Variants in PKP2 observed in about 807,000 individuals in gnomAD.
PKP2 encodes plakophilin 2.
Under a neutral mutation model 83.4 loss-of-function variants are expected in PKP2, and 73 were observed. The ratio of observed to expected loss-of-function variants is 0.88; its 90% CI spans 0.72 to 1.06. The LOEUF (loss-of-function observed/expected upper bound fraction) is 1.06, where lower values mean the gene tolerates loss of function less well. Among genes scored for constraint, PKP2 ranks in the 50% least tolerant of loss-of-function variants. The pLI is 0.00. For synonymous variants in PKP2, 409 were observed against 430.4 expected, an observed-to-expected ratio of 0.95 and a Z score of 0.62; for missense variants, 966 against 1,065.4, an observed-to-expected ratio of 0.91 and a Z score of 1.30.
intron 4 of PKP2, among the ~76,000 whole-genome samples, chr12:32,858,079 AAAAAAAT>A (rs1435995399): frequency 6.9e-4 from 39 of 56,518 alleles, no homozygotes; most frequent in East Asian, 1.8e-3. Context: ...AAAAAAAAAA[AAAAAAAT>A]ATATATATAT....
chr12:32,822,599 G>A lies in PKP2; in HGVS notation c.1707C>T (p.Asn569=), dbSNP rs1254113735. ...ATENCVCILH[N]LSYQLEAELP... ...GCTCTGCCTCCAGCTGGTAGGAGAG[G>A]TTATGAAGAATGCACACACAATTCT... Residue 569 remains asparagine, a synonymous_variant, in exon 8 of 13, where the codon AAC becomes AAT. Transcript: ENST00000340811. 2 of 1,614,066 alleles carry A rather than the reference G, an allele frequency of 1.2e-6. No individual in the cohort carries two copies. Among genetic ancestry groups the A allele is most frequent in the African/African-American group, 1.3e-5 (1 of 75,034 alleles).
chr12:32,820,569 G>A (rs1036194747), intron 9 of PKP2: 1 of 152,276 alleles, frequency 6.6e-6, no homozygotes, highest in Non-Finnish European at 1.5e-5. Flanking sequence ...CCATACTGCA[G>A]TAGACATCTG....
intron 9 of PKP2, among the ~76,000 whole-genome samples, chr12:32,815,987 T>C (rs1275926374): frequency 1.3e-5 from 2 of 152,228 alleles, no homozygotes; most frequent in African/African-American, 4.8e-5. Flanking sequence ...GACTGTTAAT[T>C]CTCTGGTCAA....
intron 6 of PKP2, among the ~76,000 whole-genome samples, chr12:32,825,194 A>T (rs1320617229): frequency 3.7e-5 from 4 of 106,708 alleles, no homozygotes; most frequent in South Asian, 3.3e-4. Context: ...TTTGAGACGG[A>T]GTCTCACTCT....
At chr12:32,843,175 G>A (rs1233681692) in intron 5 of PKP2, 2 of 491,770 alleles carry the variant, frequency 4.1e-6, no homozygotes, top group South Asian at 2.9e-5. Flanking sequence ...AGAGACAGGG[G>A]TCTCACCATG....
chr12:32,841,569 T>A (rs1469451197), intron 5 of PKP2, among the ~76,000 whole-genome samples: 1 of 152,246 alleles, frequency 6.6e-6, no homozygotes, highest in African/African-American at 2.4e-5. Flanking sequence ...ATAGGCAGGC[T>A]TAAAATGGTC....
At chr12:32,877,081 A>G (rs1342926974) in intron 3 of PKP2, among the ~76,000 whole-genome samples, 3 of 152,208 alleles carry the variant, frequency 2.0e-5, no homozygotes, top group Non-Finnish European at 4.4e-5. Context: ...AATGACAATA[A>G]CATATCTAAT....
At chr12:32,794,247 C>T (rs1027367099) in intron 11 of PKP2, among the ~76,000 whole-genome samples, 8 of 152,144 alleles carry the variant, frequency 5.3e-5, no homozygotes, top group African/African-American at 1.9e-4. Context: ...AGTGATGGGT[C>T]TCTAATATTC....
chr12:32,826,861 A>G (rs1002269176), intron 6 of PKP2, among the ~76,000 whole-genome samples: 7 of 152,192 alleles, frequency 4.6e-5, no homozygotes, highest in African/African-American at 1.7e-4. Context: ...TTTCCTGGTG[A>G]CAGCAAATTA....
intron 6 of PKP2, among the ~76,000 whole-genome samples, chr12:32,830,545 G>A (rs1348727038): frequency 2.0e-5 from 3 of 152,138 alleles, no homozygotes; most frequent in Non-Finnish European, 4.4e-5. Flanking sequence ...ATGGAAAAAA[G>A]CTATGTTGTC....
intron 3 of PKP2, among the ~76,000 whole-genome samples, chr12:32,871,469 T>A (rs1003017395): frequency 1.3e-5 from 2 of 151,938 alleles, no homozygotes; most frequent in African/African-American, 4.8e-5. Flanking sequence ...CTAATTTTTT[T>A]TTTTTATTTT....
At chr12:32,806,555 GTGA>G (rs1378468243) in intron 9 of PKP2, among the ~76,000 whole-genome samples, 1 of 152,102 alleles carries the variant, frequency 6.6e-6, no homozygotes, top group Non-Finnish European at 1.5e-5. Context: ...GGGGTCAGTG[GTGA>G]TATCCCACTT....
At chr12:32,886,508 TTTTG>T (rs1484486365) in intron 1 of PKP2, among the ~76,000 whole-genome samples, 1 of 152,200 alleles carries the variant, frequency 6.6e-6, no homozygotes, top group African/African-American at 2.4e-5. Flanking sequence ...AAGGAATTTT[TTTTG>T]TTTTTTGTCT....
At chr12:32,867,814 T>A (rs1008932767) in intron 4 of PKP2, among the ~76,000 whole-genome samples, 5 of 152,172 alleles carry the variant, frequency 3.3e-5, no homozygotes, top group African/African-American at 4.8e-5. Flanking sequence ...AGAGAATATA[T>A]AGGCTGGAGT....
At chr12:32,803,260 C>T (rs780341688) in intron 9 of PKP2, among the ~76,000 whole-genome samples, 5 of 152,098 alleles carry the variant, frequency 3.3e-5, no homozygotes, top group Non-Finnish European at 7.3e-5. Flanking sequence ...GTAGTCCCAG[C>T]TACTCAAGAG....
intron 4 of PKP2, among the ~76,000 whole-genome samples, chr12:32,852,447 A>G (rs1419342464): frequency 6.6e-6 from 1 of 152,212 alleles, no homozygotes; most frequent in Non-Finnish European, 1.5e-5. Flanking sequence ...GCGGAAATAA[A>G]CATCAGAAAT....
intron 9 of PKP2, among the ~76,000 whole-genome samples, chr12:32,808,371 C>T (rs1956244938): frequency 6.6e-6 from 1 of 152,172 alleles, no homozygotes; most frequent in Non-Finnish European, 1.5e-5. Context: ...TTTTCAGCTC[C>T]ATCAAGTCAG....
chr12:32,882,732 T>C (rs1956997079), intron 1 of PKP2, among the ~76,000 whole-genome samples: 1 of 152,256 alleles, frequency 6.6e-6, no homozygotes, highest in South Asian at 2.1e-4. Flanking sequence ...TGTTCCTTTA[T>C]AATATTCTGT....
intron 5 of PKP2, among the ~76,000 whole-genome samples, chr12:32,849,784 G>T (rs1956680838): frequency 6.6e-6 from 1 of 152,172 alleles, no homozygotes; most frequent in African/African-American, 2.4e-5. Flanking sequence ...ACAAAAATGT[G>T]AAGTAGAGAA....
Sources: allele counts gnomAD v4.1 joint callset (sites outside exome capture counted in the v4.1 genomes callset), GRCh38; gene constraint gnomAD v4.1.1; transcripts MANE v1.5; gene names NCBI Gene and HGNC (gene_info 2026-07-23, HGNC 2026-07-21).